The following TOGARAM1 variants were observed in gnomAD, a reference collection of about 807,000 sequenced individuals.
TOGARAM1 encodes TOG array regulator of axonemal microtubules 1.
A neutral mutation model predicts 166.6 loss-of-function variants in TOGARAM1; 100 were observed. The ratio of observed to expected loss-of-function variants is 0.60; its 90% CI spans 0.51 to 0.71. TOGARAM1 has a LOEUF of 0.71. Ranked by LOEUF, TOGARAM1 falls within the 30% of genes least tolerant of loss-of-function variation. The pLI is 0.00. For missense variants in TOGARAM1, 2,029 were observed against 2,102.7 expected (o/e 0.96, Z 0.69); for synonymous variants, 758 against 763.8 (o/e 0.99, Z 0.13).
At chr14:44,990,687 A>C (rs1195361852) in intron 1 of TOGARAM1, among the ~76,000 whole-genome samples, 1 of 152,230 alleles carries the variant, frequency 6.6e-6, no homozygotes, top group African/African-American at 2.4e-5. Flanking sequence ...TGCACACAAA[A>C]TAGCTAAATA....
intron 14 of TOGARAM1, among the ~76,000 whole-genome samples, chr14:45,049,031 G>C (rs1188653225): frequency 2.8e-5 from 3 of 108,114 alleles, no homozygotes; most frequent in Non-Finnish European, 5.0e-5. Flanking sequence ...CAATGGGTAA[G>C]GAGCCCAGGA....
chr14:45,022,509 G>A (rs8008121), intron 7 of TOGARAM1, among the ~76,000 whole-genome samples: 7,025 of 151,438 alleles, frequency 0.046, 539 homozygotes, highest in African/African-American at 0.16. Flanking sequence ...TAATGATTTG[G>A]CCATCTGATA....
At chr14:45,031,640 T>C (rs1225143525) in intron 10 of TOGARAM1, among the ~76,000 whole-genome samples, 1 of 152,234 alleles carries the variant, frequency 6.6e-6, no homozygotes. Flanking sequence ...GACTTTGTTA[T>C]GACTCATGAC....
chr14:45,015,380 A>G lies in TOGARAM1; in HGVS notation c.3238+3305A>G, dbSNP rs578165370. On this transcript the variant is annotated intron_variant, in intron 7 of 19. Coordinates refer to ENST00000361462, the MANE Select transcript of TOGARAM1 (RefSeq NM_001308120.2). The stretch of plus-strand genomic sequence containing the variant: ...TTTATACATATATACACACATCATT[A>G]TTGCTTAATAGTTTACATTGGAAGT... 7.3e-5 allele frequency among the ~76,000 whole-genome samples: 11 copies of G among 151,156 alleles called. No homozygotes were observed. The East Asian group carries it at 7.7e-4, about 11-fold the overall frequency.
At chr14:45,056,895 C>T (rs1021485034) in intron 16 of TOGARAM1, among the ~76,000 whole-genome samples, 1 of 151,982 alleles carries the variant, frequency 6.6e-6, no homozygotes, top group Non-Finnish European at 1.5e-5. Context: ...GCAGATTCCC[C>T]CTCTGCAATT....
At chr14:45,073,147 T>C (rs547645067) in intron 19 of TOGARAM1, 149 bp from the exon 20 acceptor site, 93 of 703,910 alleles carry the variant, frequency 1.3e-4, no homozygotes, top group Non-Finnish European at 2.0e-4. Flanking sequence ...GAGAGAAAGG[T>C]TTCTTACATT....
intron 13 of TOGARAM1, among the ~76,000 whole-genome samples, chr14:45,045,964 T>C (rs1368863675): frequency 6.6e-6 from 1 of 152,004 alleles, no homozygotes; most frequent in Non-Finnish European, 1.5e-5. Context: ...ATAAAAGTTA[T>C]TGTAATAACG....
Position 45,028,281 on chromosome 14 carries a change from T to C in TOGARAM1, c.3610T>C (p.Ser1204Pro), listed in dbSNP as rs764540759. 3 of 1,603,224 alleles carry C rather than the reference T, an allele frequency of 1.9e-6. No individual in the cohort carries two copies. Among genetic ancestry groups the C allele is most frequent in the Non-Finnish European group, 2.5e-6 (3 of 1,177,152 alleles). The stretch of plus-strand genomic sequence containing the variant: ...AGATTGTGAAAAGAAGGAAAAAAAT[T>C]CCTGGGAACGAATGAGACATACAGG... ...NKDCEKKEKN[S>P]WERMRHTGTE... Residue 1204 changes from serine to proline, a missense_variant, in exon 10 of 20, where the codon TCC becomes CCC. Ser to Pro is a moderately conservative substitution (Grantham distance 74, BLOSUM62 -1). Coordinates refer to ENST00000361462, the MANE Select transcript of TOGARAM1 (RefSeq NM_001308120.2).
Position 45,071,762 on chromosome 14 carries a change from G to A in TOGARAM1, c.5020G>A (p.Gly1674Arg). The stretch of plus-strand genomic sequence containing the variant: ...TTGCACAAAAGCTCAGTTTTTAAAT[G>A]GAAAAGCAAAACAGGACATGACGGA... The part of the protein sequence containing the change: ...PFCTKAQFLN[G>R]KAKQDMTEKL... Residue 1674 changes from glycine to arginine, a missense_variant, in exon 19 of 20, where the codon GGA becomes AGA. Around this residue, in one of 2 missense-constraint regions of TOGARAM1, gnomAD observed 576 missense variants for 670.5 expected, o/e 0.86. Coordinates refer to ENST00000361462, the MANE Select transcript of TOGARAM1 (RefSeq NM_001308120.2). 1 of 1,611,582 alleles carries A rather than the reference G, an allele frequency of 6.2e-7. No homozygotes were observed. The highest frequency in any genetic ancestry group is 1.7e-5 in the Admixed American group (1 of 59,632).
In TOGARAM1 at chr14:44,995,888, C is replaced by G; in HGVS notation, c.2189C>G (p.Pro730Arg). 1 of 1,606,106 alleles carries G rather than the reference C, an allele frequency of 6.2e-7. No individual in the cohort carries two copies. Residue 730 changes from proline to arginine, a missense_variant, in exon 2 of 20, where the codon CCT becomes CGT. Around this residue, in one of 2 missense-constraint regions of TOGARAM1, gnomAD observed 1,453 missense variants for 1,432.2 expected, o/e 1.01. Transcript: ENST00000361462. ...NSRDFNPDCL[P>R]LCAAGTTGTH... ...CGGGATTTTAACCCAGATTGTCTTC[C>G]TTTATGTGCTGCTGGTAAGTACAAG...
rs1187968997 is a variant in TOGARAM1, at chr14:44,963,105, C to A, written c.684C>A (p.Ala228=). 1 of 1,614,118 alleles carries A rather than the reference C, an allele frequency of 6.2e-7. No homozygotes were observed. Among genetic ancestry groups the A allele is most frequent in the African/African-American group, 1.3e-5 (1 of 75,008 alleles). ...LIQQGLESTD[A]RLRASTALLL... is the part of the protein sequence containing the mutation. Reference sequence around the variant, plus strand: ...AACAAGGACTGGAAAGTACCGATGCCCGACTTAGAGCTTCCACAGCACTAC... The same window carrying A: ...AACAAGGACTGGAAAGTACCGATGCACGACTTAGAGCTTCCACAGCACTAC... The change falls in exon 1 of 20, where the codon GCC becomes GCA. Residue 228 remains alanine, a synonymous_variant. Transcript: ENST00000361462.
At chr14:45,025,702 G>A in intron 7 of TOGARAM1, 81 bp from the exon 8 acceptor site, 1 of 720,564 alleles carries the variant, frequency 1.4e-6, no homozygotes, top group South Asian at 1.8e-5. Flanking sequence ...AGTTTTAAAA[G>A]ACTATGTTAC....
chr14:45,020,352 G>A (rs1324046475), intron 7 of TOGARAM1, among the ~76,000 whole-genome samples: 2 of 152,148 alleles, frequency 1.3e-5, no homozygotes, highest in African/African-American at 4.8e-5. Flanking sequence ...AAAGCTCTTC[G>A]ATTTTGAAGT....
In TOGARAM1 at chr14:45,027,339, C is replaced by A. The variant is rs755315870; in HGVS notation, c.3369C>A (p.Ser1123Arg). The A allele has an allele frequency of 1.1e-5, 17 of 1,613,090 alleles. No individual in the cohort carries two copies. Among genetic ancestry groups the A allele is most frequent in the Non-Finnish European group, 1.7e-6 (2 of 1,179,764 alleles). Residue 1123 changes from serine to arginine, a missense_variant, in exon 9 of 20, where the codon AGC becomes AGA. Ser to Arg is a moderately radical substitution (Grantham distance 110). This residue lies in a region of TOGARAM1 where 1,453 missense variants were observed against 1,432.2 expected (regional missense o/e 1.01). Coordinates refer to ENST00000361462, the MANE Select transcript of TOGARAM1 (RefSeq NM_001308120.2). ...GSLSSAPATC[S>R]QSVISSVENG... ...TAAGTTCAGCACCAGCAACCTGCAG[C>A]CAATCAGTGATATCTTCTGTGGAAA... is the stretch of plus-strand genomic sequence containing the variant.
chr14:45,027,538 A>G, intron 9 of TOGARAM1, 64 bp downstream of exon 9: 3 of 1,275,272 alleles, frequency 2.4e-6, no homozygotes, highest in Non-Finnish European at 2.2e-6. Context: ...TTTTGTGTAT[A>G]TCAGATGTGG....
chr14:45,060,974 C>G (rs533890680), intron 16 of TOGARAM1, among the ~76,000 whole-genome samples: 1 of 152,164 alleles, frequency 6.6e-6, no homozygotes, highest in South Asian at 2.1e-4. Flanking sequence ...CTATTTCTCA[C>G]CATACATATG....
chr14:45,021,150 C>T (rs971246439), intron 7 of TOGARAM1, among the ~76,000 whole-genome samples: 64 of 152,272 alleles, frequency 4.2e-4, no homozygotes, highest in African/African-American at 1.5e-3. Context: ...ACTCCACGCC[C>T]ATCAGACATA....
chr14:44,974,500 A>G (rs1594609967), intron 1 of TOGARAM1, among the ~76,000 whole-genome samples: 1 of 152,136 alleles, frequency 6.6e-6, no homozygotes, highest in South Asian at 2.1e-4. Context: ...ATCCAATTCT[A>G]GTTATGATGC....
chr14:45,058,549 T>C (rs1322106256), intron 16 of TOGARAM1, among the ~76,000 whole-genome samples: 1 of 152,162 alleles, frequency 6.6e-6, no homozygotes, highest in Non-Finnish European at 1.5e-5. Context: ...TGCGTTGGCC[T>C]CCCAAAGTGC....
Sources: gnomAD v4.1 joint callset for allele counts (sites outside exome capture counted in the v4.1 genomes callset) on GRCh38, gnomAD v4.1.1 for gene constraint, gnomAD v4.1.1 regional missense constraint, MANE v1.5 for transcripts, NCBI Gene and HGNC (gene_info 2026-07-23, HGNC 2026-07-21) for gene names.